Variants in KCNMA1 observed in about 807,000 individuals in gnomAD.
KCNMA1 encodes the protein potassium calcium-activated channel subfamily M alpha 1.
Under a neutral mutation model 140.0 loss-of-function variants are expected in KCNMA1, and 29 were observed. The ratio of observed to expected loss-of-function variants is 0.21; its 90% CI spans 0.15 to 0.28. The LOEUF (loss-of-function observed/expected upper bound fraction) is 0.28. Among genes scored for constraint, KCNMA1 ranks in the 10% least tolerant of loss-of-function variants. The pLI, the probability that KCNMA1 is intolerant of heterozygous loss-of-function variation, is 1.00. For synonymous variants in KCNMA1, 612 were observed against 611.9 expected (o/e 1.00, Z 0.00); for missense variants, 880 against 1,602.2 (o/e 0.55, Z 7.70).
chr10:77,588,987 G>A (rs1304099788), intron 1 of KCNMA1, among the ~76,000 whole-genome samples: 2 of 152,224 alleles, frequency 1.3e-5, no homozygotes, highest in Non-Finnish European at 2.9e-5. Flanking sequence ...AGACTGTGCA[G>A]GCCAGTTAGT....
intron 1 of KCNMA1, among the ~76,000 whole-genome samples, chr10:77,448,531 G>A (rs773166951): frequency 2.0e-5 from 3 of 152,058 alleles, no homozygotes; most frequent in Admixed American, 1.3e-4. Context: ...ATCAAGACTC[G>A]CAACATCATA....
intron 3 of KCNMA1, among the ~76,000 whole-genome samples, chr10:77,242,352 T>C (rs1216896739): frequency 6.6e-6 from 1 of 152,212 alleles, no homozygotes; most frequent in South Asian, 2.1e-4. Context: ...TGCTTGACTT[T>C]AGCGTATACT....
chr10:77,178,650 A>G (rs751957514), intron 5 of KCNMA1, among the ~76,000 whole-genome samples: 18 of 152,288 alleles, frequency 1.2e-4, no homozygotes, highest in Non-Finnish European at 2.1e-4. Context: ...GGTTGCAGCG[A>G]GCCAATATCG....
At chr10:77,545,335 G>A (rs2061187352) in intron 1 of KCNMA1, among the ~76,000 whole-genome samples, 1 of 152,212 alleles carries the variant, frequency 6.6e-6, no homozygotes, top group Non-Finnish European at 1.5e-5. Flanking sequence ...ATTTAAATGA[G>A]TTTCCACTCC....
intron 20 of KCNMA1, among the ~76,000 whole-genome samples, chr10:76,964,575 G>C (rs989177493): frequency 6.6e-6 from 1 of 152,174 alleles, no homozygotes; most frequent in East Asian, 1.9e-4. Flanking sequence ...TGTGCATTAA[G>C]AGATGAATTT....
chr10:77,111,227 G>C (rs1390987133), intron 7 of KCNMA1, among the ~76,000 whole-genome samples: 2 of 152,178 alleles, frequency 1.3e-5, no homozygotes, highest in African/African-American at 4.8e-5. Context: ...GGGAGCTGCG[G>C]GCCCAATTTT....
At chr10:77,135,986 G>A (rs1282669583) in intron 5 of KCNMA1, among the ~76,000 whole-genome samples, 1 of 152,086 alleles carries the variant, frequency 6.6e-6, no homozygotes, top group Non-Finnish European at 1.5e-5. Context: ...AAATAAGTAA[G>A]CACTGTATTT....
chr10:77,553,777 C>A (rs1000563961), intron 1 of KCNMA1, among the ~76,000 whole-genome samples: 4 of 152,212 alleles, frequency 2.6e-5, no homozygotes, highest in Non-Finnish European at 4.4e-5. Flanking sequence ...TCAAGGTAAC[C>A]AAAAGGACAG....
intron 1 of KCNMA1, among the ~76,000 whole-genome samples, chr10:77,476,666 T>A (rs2098285915): frequency 6.6e-6 from 1 of 152,238 alleles, no homozygotes; most frequent in South Asian, 2.1e-4. Context: ...GATAATGTCA[T>A]CGTCTGCTGC....
intron 1 of KCNMA1, among the ~76,000 whole-genome samples, chr10:77,463,939 G>A (rs974439586): frequency 1.3e-5 from 2 of 152,276 alleles, no homozygotes; most frequent in East Asian, 3.9e-4. Flanking sequence ...GGAGCCCCTT[G>A]CTATTCCAAG....
intron 6 of KCNMA1, among the ~76,000 whole-genome samples, chr10:77,112,803 C>G (rs1042516962): frequency 1.6e-4 from 24 of 151,664 alleles, no homozygotes; most frequent in African/African-American, 5.6e-4. Flanking sequence ...TTCTCTTATC[C>G]CCCCCGCCCT....
At chr10:77,369,230 TC>T (rs1039217960) in intron 2 of KCNMA1, among the ~76,000 whole-genome samples, 1 of 152,172 alleles carries the variant, frequency 6.6e-6, no homozygotes, top group Admixed American at 6.5e-5. Context: ...TTAACAAGAA[TC>T]CCAGGTAATT....
At position 77,073,136 on chromosome 10, in the gene KCNMA1, G is replaced by C. The variant is rs1414165031; in HGVS notation, c.1710C>G (p.Thr570=). ...AQSCLAQGLS[T]MLANLFSMRS... ...TCATGGAGAAGAGGTTGGCAAGCATGGTGGAGAGGCCTTGAGCCAGGCAGC... is the reference window on the plus strand; with the variant it reads ...TCATGGAGAAGAGGTTGGCAAGCATCGTGGAGAGGCCTTGAGCCAGGCAGC... Residue 570 remains threonine (T), a synonymous_variant, in exon 14 of 28, where the codon ACC becomes ACG. Transcript: ENST00000286628. The C allele has an allele frequency of 3.7e-6, 6 of 1,614,180 alleles. No homozygotes were observed. The South Asian group carries it at 6.6e-5, about 18-fold the overall frequency.
intron 1 of KCNMA1, among the ~76,000 whole-genome samples, chr10:77,461,564 G>A (rs933077638): frequency 6.6e-6 from 1 of 152,012 alleles, no homozygotes; most frequent in African/African-American, 2.4e-5. Context: ...AGGAGAGTGG[G>A]GACACAGATC....
chr10:77,540,434 T>C (rs530805971), intron 1 of KCNMA1, among the ~76,000 whole-genome samples: 54 of 152,380 alleles, frequency 3.5e-4, no homozygotes, highest in Middle Eastern at 6.8e-3. Flanking sequence ...GTTCAGACTA[T>C]AATTTGTTCA....
chr10:77,289,146 C>G (rs1383412987), intron 2 of KCNMA1, among the ~76,000 whole-genome samples: 1 of 152,196 alleles, frequency 6.6e-6, no homozygotes. Context: ...CATTGGCTGT[C>G]AGATCAAGAT....
chr10:76,950,816 T>C (rs899885408), intron 21 of KCNMA1, among the ~76,000 whole-genome samples: 1 of 152,038 alleles, frequency 6.6e-6, no homozygotes, highest in African/African-American at 2.4e-5. Flanking sequence ...CCATTATTGG[T>C]TTCCCTCTGC....
intron 1 of KCNMA1, among the ~76,000 whole-genome samples, chr10:77,571,807 G>A (rs2071462319): frequency 6.6e-6 from 1 of 152,174 alleles, no homozygotes; most frequent in Non-Finnish European, 1.5e-5. Flanking sequence ...GCCTAGATCT[G>A]TGCTTTTTCC....
intron 2 of KCNMA1, among the ~76,000 whole-genome samples, chr10:77,332,346 T>C (rs2086772831): frequency 1.3e-5 from 2 of 152,258 alleles, no homozygotes; most frequent in Non-Finnish European, 1.5e-5. Context: ...GAGTGACAAT[T>C]CATAAATGCA....
Sources: gnomAD v4.1 joint callset for allele counts (sites outside exome capture counted in the v4.1 genomes callset) on GRCh38, gnomAD v4.1.1 for gene constraint, MANE v1.5 for transcripts, NCBI Gene and HGNC (gene_info 2026-07-23, HGNC 2026-07-21) for gene names.